The following ERBB4 variants were observed in gnomAD, a reference collection of about 807,000 sequenced individuals.
ERBB4 encodes the protein receptor tyrosine-protein kinase erbB-4.
Under a neutral mutation model 158.0 loss-of-function variants are expected in ERBB4, and 42 were observed. The ratio of observed to expected loss-of-function variants is 0.27; its 90% CI spans 0.21 to 0.34. The LOEUF (loss-of-function observed/expected upper bound fraction) is 0.34. Ranked by LOEUF, ERBB4 falls within the 10% of genes least tolerant of loss-of-function variation. ERBB4 has a pLI of 1.00. For missense variants in ERBB4, 1,333 were observed against 1,624.1 expected, an observed-to-expected ratio of 0.82 and a Z score of 3.08; for synonymous variants, 583 against 558.7, an observed-to-expected ratio of 1.04 and a Z score of -0.61.
intron 20 of ERBB4, among the ~76,000 whole-genome samples, chr2:211,559,050 C>T (rs1330524533): frequency 6.6e-6 from 1 of 152,128 alleles, no homozygotes; most frequent in Non-Finnish European, 1.5e-5. Flanking sequence ...TTCCAATGTG[C>T]CAAGTCTGAA....
Position 212,107,869 on chromosome 2 carries a change from C to T in ERBB4, c.234+16883G>A, listed in dbSNP as rs111643589. Among the ~76,000 whole-genome samples the T allele has an allele frequency of 3.4e-3, 514 of 152,272 alleles. 3 individuals are homozygous for T. Among genetic ancestry groups the T allele is most frequent in the Non-Finnish European group, 6.0e-3 (411 of 68,010 alleles). On this transcript the variant is annotated intron_variant, in intron 2 of 27. Coordinates refer to ENST00000342788, the MANE Select transcript of ERBB4 (RefSeq NM_005235.3). ...TTCTATTATTCTCTCATATCTGCTG[C>T]CAGGTAAAACATGCCTTTCTCCTTC...
chr2:212,037,522 A>G (rs763481544), intron 2 of ERBB4, among the ~76,000 whole-genome samples: 9 of 152,208 alleles, frequency 5.9e-5, no homozygotes, highest in Admixed American at 3.9e-4. Flanking sequence ...AACAACATCT[A>G]GCTAATAACA....
chr2:211,820,168 T>A (rs1366252219), intron 3 of ERBB4, among the ~76,000 whole-genome samples: 1 of 151,906 alleles, frequency 6.6e-6, no homozygotes, highest in Non-Finnish European at 1.5e-5. Flanking sequence ...GTATATAACT[T>A]TTAAATAACC....
At chr2:212,063,158 G>C (rs2077831709) in intron 2 of ERBB4, among the ~76,000 whole-genome samples, 3 of 151,950 alleles carry the variant, frequency 2.0e-5, no homozygotes, top group Admixed American at 2.0e-4. Context: ...CAGGAAGTTA[G>C]GTATCAAATC....
intron 9 of ERBB4, among the ~76,000 whole-genome samples, chr2:211,710,074 A>T (rs887820448): frequency 1.3e-5 from 2 of 152,180 alleles, no homozygotes; most frequent in African/African-American, 4.8e-5. Flanking sequence ...CTAGAGAATT[A>T]TAATAATTAA....
chr2:212,417,139 A>C (rs1186019538), intron 1 of ERBB4, among the ~76,000 whole-genome samples: 1 of 152,082 alleles, frequency 6.6e-6, no homozygotes, highest in Non-Finnish European at 1.5e-5. Context: ...CTATCAGTCC[A>C]ATTTGAAAGC....
chr2:212,299,153 T>C (rs1559958745), intron 1 of ERBB4, among the ~76,000 whole-genome samples: 1 of 151,630 alleles, frequency 6.6e-6, no homozygotes. Flanking sequence ...ATGTATCAGA[T>C]CACACACAGA....
chr2:211,904,725 C>T (rs1240862218), intron 3 of ERBB4, among the ~76,000 whole-genome samples: 1 of 152,000 alleles, frequency 6.6e-6, no homozygotes, highest in Non-Finnish European at 1.5e-5. Context: ...GCATACTTGT[C>T]TACTAATTTT....
intron 1 of ERBB4, among the ~76,000 whole-genome samples, chr2:212,447,750 TA>T (rs1050694951): frequency 2.7e-5 from 4 of 150,488 alleles, no homozygotes; most frequent in Admixed American, 6.6e-5. Context: ...CATAGTACAC[TA>T]AAATATAACT....
intron 1 of ERBB4, among the ~76,000 whole-genome samples, chr2:212,222,353 A>T (rs1234943099): frequency 6.6e-6 from 1 of 151,598 alleles, no homozygotes; most frequent in Non-Finnish European, 1.5e-5. Flanking sequence ...CATTTAAAAA[A>T]TTACACAGTA....
At chr2:212,438,044 G>A (rs1353108140) in intron 1 of ERBB4, among the ~76,000 whole-genome samples, 1 of 151,988 alleles carries the variant, frequency 6.6e-6, no homozygotes, top group Non-Finnish European at 1.5e-5. Flanking sequence ...CACATGTTTA[G>A]AGTGAGTTGT....
chr2:211,542,226 T>C (rs2066828228), intron 20 of ERBB4, among the ~76,000 whole-genome samples: 1 of 152,014 alleles, frequency 6.6e-6, no homozygotes, highest in South Asian at 2.1e-4. Context: ...GCCTGCAGGT[T>C]GCTGGAATGG....
intron 20 of ERBB4, among the ~76,000 whole-genome samples, chr2:211,541,148 A>G (rs1197538697): frequency 6.6e-6 from 1 of 151,960 alleles, no homozygotes; most frequent in African/African-American, 2.4e-5. Flanking sequence ...TTGATCAAAT[A>G]CAAAATTTTC....
At chr2:211,888,230 T>C (rs1264645899) in intron 3 of ERBB4, among the ~76,000 whole-genome samples, 1 of 152,224 alleles carries the variant, frequency 6.6e-6, no homozygotes, top group Non-Finnish European at 1.5e-5. Context: ...AACCTTTTTA[T>C]ATTTATTAGC....
chr2:212,174,120 G>A (rs1328230191), intron 1 of ERBB4, among the ~76,000 whole-genome samples: 3 of 152,004 alleles, frequency 2.0e-5, no homozygotes, highest in East Asian at 1.9e-4. Context: ...AGAGGGAGAC[G>A]TATGTCAAGA....
rs1003597249 is a variant in ERBB4 at position 211,380,825 on chromosome 2, T to C, written c.*2790A>G. On this transcript the variant is annotated 3_prime_UTR_variant, in exon 28 of 28. Transcript: ENST00000342788. ...TTCTTAGGAGGAAAGAGACATTCAC[T>C]AAATACATTTCTGTTACCTTAACAG... 3 of 231,816 alleles carry C rather than the reference T, an allele frequency of 1.3e-5. No homozygotes were observed. The highest frequency in any genetic ancestry group is 2.2e-5 in the African/African-American group (1 of 45,272). The allele number at this position is 231,816 out of a possible 1,614,324, so 14.4% of individuals were successfully genotyped here. A position where few individuals can be genotyped will look rare whatever the true frequency, so the allele number is the denominator to read the frequency against.
chr2:211,378,737 G>A lies in ERBB4; in HGVS notation c.*4878C>T, dbSNP rs2062523943. 4.3e-6 allele frequency: 1 copy of A among 232,760 alleles called. No individual in the cohort carries two copies. 14.4% of individuals were successfully genotyped at this position (232,760 alleles called of 1,614,324 possible). On this transcript the variant is annotated 3_prime_UTR_variant, in exon 28 of 28. Transcript: ENST00000342788. ...TATAATATTTGTTCTTAAGCAAATA[G>A]CAACCAGGCGATACCAATCTGCATT...
chr2:211,395,574 A>G (rs1001557904), intron 25 of ERBB4, among the ~76,000 whole-genome samples: 1 of 151,176 alleles, frequency 6.6e-6, no homozygotes, highest in Non-Finnish European at 1.5e-5. Flanking sequence ...GCTGAAATAC[A>G]TATTAATATA....
chr2:212,112,443 T>C (rs1294614043), intron 2 of ERBB4, among the ~76,000 whole-genome samples: 1 of 151,598 alleles, frequency 6.6e-6, no homozygotes, highest in East Asian at 1.9e-4. Flanking sequence ...GAAATTTTTA[T>C]TTTATTTTTT....
Sources: gnomAD v4.1 joint callset for allele counts (sites outside exome capture counted in the v4.1 genomes callset) on GRCh38, gnomAD v4.1.1 for gene constraint, MANE v1.5 for transcripts, NCBI Gene and HGNC (gene_info 2026-07-23, HGNC 2026-07-21) for gene names.